Variants in PRPF40B observed in about 807,000 individuals in gnomAD.
The protein encoded by PRPF40B is pre-mRNA processing factor 40B.
A neutral mutation model predicts 124.5 loss-of-function variants in PRPF40B; 56 were observed. The observed-to-expected ratio is 0.45, with a 90% CI of 0.36 to 0.56. The LOEUF (loss-of-function observed/expected upper bound fraction) is 0.56, where lower values mean the gene tolerates loss of function less well. PRPF40B is among the 20% of genes least tolerant of loss of function. PRPF40B has a pLI of 0.00. For synonymous variants in PRPF40B, 443 were observed against 426.4 expected, an observed-to-expected ratio of 1.04 and a Z score of -0.48; for missense variants, 1,053 against 1,169.5, an observed-to-expected ratio of 0.90 and a Z score of 1.45.
Position 49,631,983 on chromosome 12 carries a change from T to C in PRPF40B, c.294+58T>C, listed in dbSNP as rs914801213. On this transcript the variant is annotated intron_variant, in intron 4 of 25. Coordinates refer to ENST00000548825, the MANE Select transcript of PRPF40B (RefSeq NM_001031698.3). The surrounding 1 kb of genome is among the most constrained non-coding windows in gnomAD (Gnocchi z 4.3). ...TGCCCTGCAGTCCCGTGAGTCTGAC[T>C]TGGAATGCAGGACTATGACCTCCAT... is the stretch of plus-strand genomic sequence containing the variant. 5 of 1,522,196 alleles carry C rather than the reference T, an allele frequency of 3.3e-6. No individual in the cohort carries two copies. In the African/African-American group the frequency reaches 6.9e-5, roughly 21 times the overall value. 94.3% of individuals were successfully genotyped at this position (1,522,196 alleles called of 1,614,324 possible). A position where few individuals can be genotyped will look rare whatever the true frequency, so the allele number is the denominator to read the frequency against.
chr12:49,633,915 T>TTCAGCCACAGCCACC lies in PRPF40B; in HGVS notation c.648_662dup (p.Pro217_Pro221dup). The TTCAGCCACAGCCACC allele has an allele frequency of 1.2e-6, 2 of 1,614,136 alleles. No individual in the cohort carries two copies. Among genetic ancestry groups the TTCAGCCACAGCCACC allele is most frequent in the Non-Finnish European group, 1.7e-6 (2 of 1,180,008 alleles). On this transcript the variant is annotated inframe_insertion, in exon 10 of 26. Transcript: ENST00000548825. Reference sequence around the variant, plus strand: ...CAGCAGCAGCAGCTGCCACAGACACTTCAGCCACAGCCACCTCAGCCACAG... The same window carrying TTCAGCCACAGCCACC: ...CAGCAGCAGCAGCTGCCACAGACACTTCAGCCACAGCCACCTCAGCCACAGCCACCTCAGCCACAG...
At chr12:49,643,537 C>A in intron 23 of PRPF40B, 140 bp downstream of exon 23, 1 of 1,366,046 alleles carries the variant, frequency 7.3e-7, no homozygotes, top group Non-Finnish European at 9.9e-7. Flanking sequence ...CTTCCTCTAC[C>A]TGCCCAAGCA....
At chr12:49,643,649 C>CT (rs1942966024) in intron 23 of PRPF40B, 42 bp from the exon 24 acceptor site, 2 of 1,591,656 alleles carry the variant, frequency 1.3e-6, no homozygotes, top group Admixed American at 3.5e-5. Flanking sequence ...AAGAGCCTGT[C>CT]TTTCTCCTGT....
rs941008937 is a variant in PRPF40B at position 49,634,112 on chromosome 12, G to T, written c.812+20G>T. 8.7e-6 allele frequency: 14 copies of T among 1,606,686 alleles called. No homozygotes were observed. The highest frequency in any genetic ancestry group is 1.2e-5 in the Non-Finnish European group (14 of 1,176,420). ...CAGCAGGTGAGGGCTGCCCCCCATG[G>T]CATTCCCAATGTTGGCCTCAGACTC... is the stretch of plus-strand genomic sequence containing the variant. On this transcript the variant is annotated intron_variant, in intron 10 of 25. Coordinates refer to ENST00000548825, the MANE Select transcript of PRPF40B (RefSeq NM_001031698.3).
chr12:49,632,092 C>T, intron 4 of PRPF40B, 167 bp downstream of exon 4: 1 of 696,286 alleles, frequency 1.4e-6, no homozygotes, highest in Non-Finnish European at 2.5e-6. Context: ...ATGTACTCAG[C>T]TCTTCTAGTT....
chr12:49,622,655 C>T (rs1363970832), upstream of PRPF40B: 1 of 152,278 alleles, frequency 6.6e-6, no homozygotes, highest in Admixed American at 6.5e-5. Context: ...TCTAACTCTT[C>T]GTGTCAGGAG....
chr12:49,629,345 A>G (rs1213447867), intron 1 of PRPF40B, among the ~76,000 whole-genome samples: 1 of 152,234 alleles, frequency 6.6e-6, no homozygotes, highest in East Asian at 1.9e-4. Flanking sequence ...TTTTATGTGT[A>G]TATATAATTT....
intron 16 of PRPF40B, 127 bp downstream of exon 16, chr12:49,636,976 T>C (rs1941904912): frequency 7.3e-7 from 1 of 1,376,586 alleles, no homozygotes; most frequent in African/African-American, 1.4e-5. Flanking sequence ...CCAAGCTCTA[T>C]GAGACCTCTC....
At chr12:49,638,122 G>T (rs1942096636) in intron 18 of PRPF40B, 1 of 361,940 alleles carries the variant, frequency 2.8e-6, no homozygotes, top group Admixed American at 4.3e-5. Context: ...ATTTGTAGGT[G>T]GAAGAGGTTG....
At position 49,633,519 on chromosome 12, in the gene PRPF40B, C is replaced by T. The variant is rs115525092; in HGVS notation, c.552C>T (p.Thr184=). 6.2e-7 allele frequency: 1 copy of T among 1,614,198 alleles called. No individual in the cohort carries two copies. Among genetic ancestry groups the T allele is most frequent in the Non-Finnish European group, 8.5e-7 (1 of 1,180,022 alleles). ...ACCAGAGTAAAGAGTCCCGCTGGAC[C>T]CGGCCCAAGGATCTGGATGACCTAG... ...YNNQSKESRW[T]RPKDLDDLEV... The change falls in exon 8 of 26, where the codon ACC becomes ACT. Residue 184 remains threonine, a synonymous_variant. Transcript: ENST00000548825.
chr12:49,639,755 G>A (rs1942348855), intron 18 of PRPF40B: 1 of 152,160 alleles, frequency 6.6e-6, no homozygotes, highest in African/African-American at 2.4e-5. Context: ...TTTGTGAAAT[G>A]GAGGGAAAGG....
In PRPF40B at chr12:49,635,526, G is replaced by T; in HGVS notation, c.1275+53G>T. ...GCCCATCTCATCCTGGACTTTCCTTGTCTTTGCTTTGTTATGGACCCTCGC... is the reference window on the plus strand; with the variant it reads ...GCCCATCTCATCCTGGACTTTCCTTTTCTTTGCTTTGTTATGGACCCTCGC... On this transcript the variant is annotated intron_variant, in intron 14 of 25. Coordinates refer to ENST00000548825, the MANE Select transcript of PRPF40B (RefSeq NM_001031698.3). This position sits in a 1 kb window ranked among gnomAD's most constrained non-coding sequence, Gnocchi z 4.1. The T allele has an allele frequency of 2.0e-6, 3 of 1,531,918 alleles. No individual in the cohort carries two copies. The highest frequency in any genetic ancestry group is 4.5e-5 in the East Asian group (2 of 44,420). The allele number at this position is 1,531,918 out of a possible 1,614,324, so 94.9% of individuals were successfully genotyped here.
chr12:49,642,271 GAGA>G lies in PRPF40B; in HGVS notation c.1924_1926del (p.Lys642del), dbSNP rs758003264. The G allele has an allele frequency of 2.2e-5, 36 of 1,614,076 alleles. No individual in the cohort carries two copies. The highest frequency in any genetic ancestry group is 5.3e-5 in the African/African-American group (4 of 74,934). Reference sequence around the variant, plus strand: ...AGCAGAGGCACGGGAGAGGGAGCGGGAGAAGGAGGAGGCACGCAGGATGCGGCG... The same window carrying G: ...AGCAGAGGCACGGGAGAGGGAGCGGGAGGAGGAGGCACGCAGGATGCGGCG... On this transcript the variant is annotated inframe_deletion, in exon 20 of 26. Transcript: ENST00000548825. This position sits in a 1 kb window ranked among gnomAD's most constrained non-coding sequence, Gnocchi z 5.8.
In PRPF40B at chr12:49,632,995, T is replaced by TGGGGGGGC; in HGVS notation, c.349-18_349-17insGGGGGGCG. On this transcript the variant is annotated intron_variant, in intron 6 of 25. Coordinates refer to ENST00000548825, the MANE Select transcript of PRPF40B (RefSeq NM_001031698.3). Reference sequence around the variant, plus strand: ...AAAAGGGGCCTTGACCACCATTCTGTGCCCCCCCCCCCACCCAGAGGGCCC... The same window carrying TGGGGGGGC: ...AAAAGGGGCCTTGACCACCATTCTGTGGGGGGGCGCCCCCCCCCCCACCCAGAGGGCCC... 5.1e-6 allele frequency: 7 copies of TGGGGGGGC among 1,365,394 alleles called. No homozygotes were observed. Among genetic ancestry groups the TGGGGGGGC allele is most frequent in the Non-Finnish European group, 7.1e-6 (7 of 979,214 alleles). The allele number at this position is 1,365,394 out of a possible 1,614,324, so 84.6% of individuals were successfully genotyped here. A position where few individuals can be genotyped will look rare whatever the true frequency, so the allele number is the denominator to read the frequency against.
chr12:49,626,686 G>T (rs1461550770), intron 1 of PRPF40B, among the ~76,000 whole-genome samples: 1 of 152,182 alleles, frequency 6.6e-6, no homozygotes, highest in African/African-American at 2.4e-5. Context: ...TTAGATGAAA[G>T]ATTTTGTAGG....
At position 49,644,001 on chromosome 12, in the gene PRPF40B, G is replaced by A; in HGVS notation, c.2583G>A (p.Glu861=). 6.2e-7 allele frequency: 1 copy of A among 1,614,180 alleles called. No homozygotes were observed. Among genetic ancestry groups the A allele is most frequent in the Non-Finnish European group, 8.5e-7 (1 of 1,180,030 alleles). The change falls in exon 25 of 26, where the codon GAG becomes GAA. Residue 861 remains glutamate, a synonymous_variant. Transcript: ENST00000548825. ...NRSPGFGIKK[E]KTGWDTSESE... is the part of the protein sequence containing the mutation. ...CCCCAGGCTTTGGAATCAAGAAGGA[G>A]AAGGTGAGGGGCAGGGGCCCTAGGC... is the stretch of plus-strand genomic sequence containing the variant.
chr12:49,641,581 G>C (rs1309810626), intron 18 of PRPF40B: 2 of 331,234 alleles, frequency 6.0e-6, no homozygotes. Flanking sequence ...TGGAAGCACT[G>C]CTGAGCAGCA....
In PRPF40B at chr12:49,642,164, A is replaced by G; in HGVS notation, c.1885-71A>G. On this transcript the variant is annotated intron_variant, in intron 19 of 25. Coordinates refer to ENST00000548825, the MANE Select transcript of PRPF40B (RefSeq NM_001031698.3). The surrounding 1 kb of genome is among the most constrained non-coding windows in gnomAD (Gnocchi z 5.8). ...CCCAGACCCTAACTTTCCACCTCCT[A>G]AGGTATGCCTGAGTGGGACCTGGCA... is the stretch of plus-strand genomic sequence containing the variant. 1 of 1,612,360 alleles carries G rather than the reference A, an allele frequency of 6.2e-7. No homozygotes were observed. Among genetic ancestry groups the G allele is most frequent in the Non-Finnish European group, 8.5e-7 (1 of 1,178,886 alleles).
In PRPF40B at chr12:49,635,553, A is replaced by T. The variant is rs1395953540; in HGVS notation, c.1275+80A>T. 3.7e-6 allele frequency: 5 copies of T among 1,344,894 alleles called. No homozygotes were observed. The East Asian group carries it at 1.2e-4, about 31-fold the overall frequency. 83.3% of individuals were successfully genotyped at this position (1,344,894 alleles called of 1,614,324 possible). On this transcript the variant is annotated intron_variant, in intron 14 of 25. Transcript: ENST00000548825. This position sits in a 1 kb window ranked among gnomAD's most constrained non-coding sequence, Gnocchi z 4.1. The stretch of plus-strand genomic sequence containing the variant: ...CTTTGCTTTGTTATGGACCCTCGCC[A>T]TTTACTTCTCTACTTCCCCAGTGTC...
Sources: gnomAD v4.1 joint callset for allele counts (sites outside exome capture counted in the v4.1 genomes callset) on GRCh38, gnomAD v4.1.1 for gene constraint, Gnocchi (gnomAD v3.1) non-coding constraint, MANE v1.5 for transcripts, NCBI Gene and HGNC (gene_info 2026-07-23, HGNC 2026-07-21) for gene names.